KRT40: variants seen among roughly 807,000 people sequenced by gnomAD.
KRT40 encodes the protein keratin 40, also known as keratin, type I cytoskeletal 40.
In KRT40, 47 loss-of-function variants were observed where a neutral mutation model predicts 43.5. The ratio of observed to expected loss-of-function variants is 1.08; its 90% CI spans 0.86 to 1.38. KRT40 has a LOEUF of 1.38. Ranked by LOEUF, KRT40 falls within the 40% of genes most tolerant of loss-of-function variation. The probability of loss-of-function intolerance (pLI) is 0.00; values close to 1 mark genes in which losing one functional copy is unlikely to be tolerated. For missense variants in KRT40, 573 were observed against 523.6 expected, an observed-to-expected ratio of 1.09 and a Z score of -0.92; for synonymous variants, 212 against 214.0, an observed-to-expected ratio of 0.99 and a Z score of 0.08.
intron 5 of KRT40, among the ~76,000 whole-genome samples, chr17:40,979,232 C>A (rs1371653208): frequency 3.9e-5 from 6 of 152,008 alleles, no homozygotes; most frequent in Non-Finnish European, 2.9e-5. Context: ...AGTTAATATG[C>A]GGGCTGGGCG....
chr17:40,979,281 C>T (rs925654070), intron 5 of KRT40, among the ~76,000 whole-genome samples: 14 of 152,142 alleles, frequency 9.2e-5, no homozygotes, highest in East Asian at 1.9e-4. Context: ...TTTGGGAGGC[C>T]GAGGCGGGCG....
chr17:40,982,358 A>T lies in KRT40; in HGVS notation c.636T>A (p.His212Gln). 1 of 1,608,706 alleles carries T rather than the reference A, an allele frequency of 6.2e-7. No individual in the cohort carries two copies. The highest frequency in any genetic ancestry group is 8.5e-7 in the Non-Finnish European group (1 of 1,177,634). The change falls in exon 3 of 7, where the codon CAT becomes CAA. Residue 212 changes from histidine to glutamine, a missense_variant. Physicochemically the swap from His to Gln is conservative, Grantham distance 24 (BLOSUM62 0). Coordinates refer to ENST00000377755, the MANE Select transcript of KRT40 (RefSeq NM_001389244.1). Reference protein sequence around the residue: ...LTLCKSDLEAHVESLKEDLLC... With the variant: ...LTLCKSDLEAQVESLKEDLLC... ...GGAGATCTTCCTTCAGAGACTCCAC[A>T]TGGGCCTCCAGATCAGATTTGCACA...
At chr17:40,986,567 C>T (rs1912476665), upstream of KRT40, among the ~76,000 whole-genome samples, 1 of 152,160 alleles carries the variant, frequency 6.6e-6, no homozygotes, top group Non-Finnish European at 1.5e-5. Flanking sequence ...TCTAATATAT[C>T]TGCCTTTCTT....
At position 40,983,747 on chromosome 17, in the gene KRT40, G is replaced by C. The variant is rs1319408822; in HGVS notation, c.447+80C>G. ...TTTTCCTTTCCCTTGGTTTCCTTCT[G>C]TAAAACAGCCCCTTCTAGTAGAAAG... is the stretch of plus-strand genomic sequence containing the variant. On this transcript the variant is annotated intron_variant, in intron 1 of 6. Coordinates refer to ENST00000377755, the MANE Select transcript of KRT40 (RefSeq NM_001389244.1). The C allele has an allele frequency of 4.3e-6, 6 of 1,402,584 alleles. No individual in the cohort carries two copies. In the African/African-American group the frequency reaches 8.6e-5, roughly 20 times the overall value. The allele number at this position is 1,402,584 out of a possible 1,614,324, so 86.9% of individuals were successfully genotyped here.
chr17:40,981,780 C>T (rs1353240429), intron 3 of KRT40, among the ~76,000 whole-genome samples: 1 of 152,216 alleles, frequency 6.6e-6, no homozygotes, highest in African/African-American at 2.4e-5. Context: ...ATTCCTTCCT[C>T]TGGCGCTGTC....
At chr17:40,978,365 C>A (rs1396463026) in intron 6 of KRT40, 69 bp from the exon 7 acceptor site, 1 of 1,288,612 alleles carries the variant, frequency 7.8e-7, no homozygotes, top group Non-Finnish European at 1.1e-6. Context: ...TCAGAAAAAC[C>A]GTGTCAAAAT....
chr17:40,979,386 A>G (rs11870558), intron 5 of KRT40, among the ~76,000 whole-genome samples: 57,900 of 151,552 alleles, frequency 0.38, 13,367 homozygotes, highest in African/African-American at 0.66. Context: ...ACGGTGGTGG[A>G]CGCCTGTAGT....
At chr17:40,984,860 A>AGTTGTGTGTGTGTGTGT (rs551051327), upstream of KRT40, among the ~76,000 whole-genome samples, 11,093 of 151,498 alleles carry the variant, frequency 0.073, 983 homozygotes, top group African/African-American at 0.21. Context: ...TTGGGTTTAA[A>AGTTGTGTGTGTGTGTGT]GTGTGTGTGT....
chr17:40,985,210 T>C (rs1031141801), upstream of KRT40, among the ~76,000 whole-genome samples: 6 of 152,196 alleles, frequency 3.9e-5, no homozygotes, highest in African/African-American at 1.4e-4. Context: ...ATTTATTTAT[T>C]TATGAAGGCC....
Position 40,984,216 on chromosome 17 carries a change from C to T in KRT40, c.58G>A (p.Gly20Ser), listed in dbSNP as rs138668275. 1,727 of 1,613,880 alleles carry T rather than the reference C, an allele frequency of 1.1e-3. 1 individual carries two copies. Among genetic ancestry groups the T allele is most frequent in the Admixed American group, 2.0e-3 (122 of 59,980 alleles). The change falls in exon 1 of 7, where the codon GGT (glycine) becomes AGT (serine). Residue 20 changes from glycine to serine, a missense_variant. Transcript: ENST00000377755. ...GAGCAGCTTGAGGCAGGTGCACAACCGGAAGCCGTGCCACAGGACTCAGGA... is the reference window on the plus strand; with the variant it reads ...GAGCAGCTTGAGGCAGGTGCACAACTGGAAGCCGTGCCACAGGACTCAGGA... ...CSPESCGTAS[G>S]CAPASSCSVE...
intron 3 of KRT40, among the ~76,000 whole-genome samples, chr17:40,981,866 T>TTTTG (rs3067651): frequency 0.47 from 70,931 of 149,874 alleles, 18,154 homozygotes; most frequent in African/African-American, 0.69. Context: ...CTCGAGTAGT[T>TTTTG]TTTGTTTGTT....
chr17:40,983,791 C>T, intron 1 of KRT40, 36 bp downstream of exon 1: 1 of 1,589,058 alleles, frequency 6.3e-7, no homozygotes, highest in South Asian at 1.1e-5. Context: ...AACCATAGAT[C>T]AGGAAGGTGG....
rs750656836 is a variant in KRT40 at position 40,984,149 on chromosome 17, C to T, written c.125G>A (p.Arg42Gln). ...GGATAGGAAGCTTGGAGTCTGACAT[C>T]GGGATGTAGCACAGGTACCGGGGAG... is the stretch of plus-strand genomic sequence containing the variant. ...ACLPGTCATS[R>Q]CQTPSFLSRS... The change falls in exon 1 of 7, where the codon CGA becomes CAA. Residue 42 changes from arginine (R) to glutamine (Q), a missense_variant. Physicochemically the swap from Arg to Gln is conservative, Grantham distance 43. Coordinates refer to ENST00000377755, the MANE Select transcript of KRT40 (RefSeq NM_001389244.1). 1.5e-5 allele frequency: 25 copies of T among 1,613,942 alleles called. No individual in the cohort carries two copies. Among genetic ancestry groups the T allele is most frequent in the Admixed American group, 1.3e-4 (8 of 59,976 alleles).
In KRT40 at chr17:40,982,377, T is replaced by C; in HGVS notation, c.617A>G (p.Lys206Arg). 1.9e-6 allele frequency: 3 copies of C among 1,611,688 alleles called. No individual in the cohort carries two copies. The highest frequency in any genetic ancestry group is 4.5e-5 in the East Asian group (2 of 44,646). Residue 206 changes from lysine (K) to arginine (R), a missense_variant, in exon 3 of 7, where the codon AAA (lysine) becomes AGA (arginine). Physicochemically the swap from Lys to Arg is conservative, Grantham distance 26. Coordinates refer to ENST00000377755, the MANE Select transcript of KRT40 (RefSeq NM_001389244.1). Reference protein sequence around the residue: ...HGILEELTLCKSDLEAHVESL... With the variant: ...HGILEELTLCRSDLEAHVESL... The stretch of plus-strand genomic sequence containing the variant: ...CTCCACATGGGCCTCCAGATCAGAT[T>C]TGCACAGGGTCAGTTCCTCCAGGAT...
Position 40,977,976 on chromosome 17 carries a change from T to C in KRT40, c.*221A>G, listed in dbSNP as rs1387099509. Reference sequence around the variant, plus strand: ...GCTAAAGGAATAAAACACGTTTTATTTGGAGATGAGCAAGAATGCTTTATG... The same window carrying C: ...GCTAAAGGAATAAAACACGTTTTATCTGGAGATGAGCAAGAATGCTTTATG... On this transcript the variant is annotated 3_prime_UTR_variant, in exon 7 of 7. Coordinates refer to ENST00000377755, the MANE Select transcript of KRT40 (RefSeq NM_001389244.1). The C allele has an allele frequency of 4.0e-6, 2 of 494,186 alleles. No homozygotes were observed. Among genetic ancestry groups the C allele is most frequent in the Non-Finnish European group, 7.3e-6 (2 of 275,428 alleles). 30.6% of individuals were successfully genotyped at this position (494,186 alleles called of 1,614,324 possible).
Position 40,984,175 on chromosome 17 carries a change from A to G in KRT40, c.99T>C (p.Cys33=). The change falls in exon 1 of 7, where the codon TGT becomes TGC. Residue 33 remains cysteine, a synonymous_variant. Coordinates refer to ENST00000377755, the MANE Select transcript of KRT40 (RefSeq NM_001389244.1). ...PASSCSVETA[C]LPGTCATSRC... is the part of the protein sequence containing the mutation. Reference sequence around the variant, plus strand: ...GGGATGTAGCACAGGTACCGGGGAGACAAGCTGTTTCCACGGAGCAGCTTG... The same window carrying G: ...GGGATGTAGCACAGGTACCGGGGAGGCAAGCTGTTTCCACGGAGCAGCTTG... The G allele has an allele frequency of 1.9e-6, 3 of 1,614,004 alleles. No homozygotes were observed. Among genetic ancestry groups the G allele is most frequent in the Non-Finnish European group, 2.5e-6 (3 of 1,179,996 alleles).
chr17:40,980,122 G>A (rs1912055915), intron 5 of KRT40, among the ~76,000 whole-genome samples: 1 of 152,184 alleles, frequency 6.6e-6, no homozygotes, highest in African/African-American at 2.4e-5. Context: ...TCTTAGAATT[G>A]CATCCTTTGC....
Position 40,983,059 on chromosome 17 carries a change from C to A in KRT40, c.517G>T (p.Asp173Tyr). ...AATTAAACTTACTTTGACTTAAAGT[C>A]ATCAGTGGCCAGTTTGCAGTTGTCA... ...QLDNCKLATDDFKSKYESELS... is the reference protein window; with the variant it reads ...QLDNCKLATDYFKSKYESELS... Residue 173 changes from aspartate (D) to tyrosine (Y), a missense_variant, in exon 2 of 7, where the codon GAC becomes TAC. Transcript: ENST00000377755. The A allele has an allele frequency of 1.5e-6, 2 of 1,371,526 alleles. No individual in the cohort carries two copies. The highest frequency in any genetic ancestry group is 2.3e-5 in the East Asian group (1 of 43,030). 85.0% of individuals were successfully genotyped at this position (1,371,526 alleles called of 1,614,324 possible).
rs375959611 is a variant in KRT40 at position 40,978,836 on chromosome 17, C to G, written c.1164G>C (p.Thr388=). The change falls in exon 6 of 7, where the codon ACG becomes ACC. Residue 388 remains threonine, a synonymous_variant. Transcript: ENST00000377755. ...CCTCGCTGTCCAGCAGGCCCCAGTA[C>G]GTGTTGATCTCACCCTCCAGCCGGG... The part of the protein sequence containing the change: ...VKARLEGEIN[T]YWGLLDSEDS... 2 of 1,612,840 alleles carry G rather than the reference C, an allele frequency of 1.2e-6. No homozygotes were observed. The highest frequency in any genetic ancestry group is 1.1e-5 in the South Asian group (1 of 91,018).
Sources: allele counts gnomAD v4.1 joint callset (sites outside exome capture counted in the v4.1 genomes callset), GRCh38; gene constraint gnomAD v4.1.1; transcripts MANE v1.5; gene names NCBI Gene and HGNC (gene_info 2026-07-23, HGNC 2026-07-21).